The following NR6A1 variants were observed in gnomAD, a reference collection of about 807,000 sequenced individuals.
The protein encoded by NR6A1 is retinoic acid receptor-related testis-associated receptor.
Under a neutral mutation model 59.1 loss-of-function variants are expected in NR6A1, and 7 were observed. That is an observed-to-expected ratio of 0.12 (90% CI 0.07 to 0.22). The LOEUF (loss-of-function observed/expected upper bound fraction) is 0.22, where lower values mean the gene tolerates loss of function less well. Ranked by LOEUF, NR6A1 falls within the 10% of genes least tolerant of loss-of-function variation. The pLI is 1.00. For missense variants in NR6A1, 468 were observed against 611.6 expected, an observed-to-expected ratio of 0.77 and a Z score of 2.48; for synonymous variants, 243 against 236.1, an observed-to-expected ratio of 1.03 and a Z score of -0.27.
At chr9:124,526,560 T>C (rs919636090) in intron 8 of NR6A1, among the ~76,000 whole-genome samples, 1 of 151,640 alleles carries the variant, frequency 6.6e-6, no homozygotes, top group African/African-American at 2.4e-5. Context: ...CATTTCAGTT[T>C]GAAGAAAAAA....
chr9:124,741,398 T>C (rs925405732), intron 1 of NR6A1, among the ~76,000 whole-genome samples: 2 of 152,246 alleles, frequency 1.3e-5, no homozygotes, highest in South Asian at 4.1e-4. Flanking sequence ...ATGCAGTCAC[T>C]TACTCCTTCA....
At chr9:124,667,364 T>C (rs1403324963) in intron 2 of NR6A1, among the ~76,000 whole-genome samples, 2 of 152,110 alleles carry the variant, frequency 1.3e-5, no homozygotes, top group East Asian at 3.9e-4. Flanking sequence ...TTCATGTATA[T>C]GAGAATATAC....
chr9:124,663,979 T>C (rs181566504), intron 2 of NR6A1, among the ~76,000 whole-genome samples: 165 of 152,306 alleles, frequency 1.1e-3, no homozygotes, highest in Non-Finnish European at 2.1e-3. Context: ...CTGAGTAAGA[T>C]TTCTACGACC....
chr9:124,685,830 T>C (rs1020561725), intron 2 of NR6A1, among the ~76,000 whole-genome samples: 7 of 152,206 alleles, frequency 4.6e-5, no homozygotes, highest in Non-Finnish European at 8.8e-5. Context: ...AATGGAGAGA[T>C]AGGTCCAAAA....
chr9:124,583,843 A>G (rs1368722882), intron 2 of NR6A1, among the ~76,000 whole-genome samples: 2 of 152,144 alleles, frequency 1.3e-5, no homozygotes, highest in African/African-American at 4.8e-5. Flanking sequence ...CTCACAAATG[A>G]GCACTCTGCC....
intron 1 of NR6A1, among the ~76,000 whole-genome samples, chr9:124,756,962 G>A (rs1005670697): frequency 2.0e-5 from 3 of 151,348 alleles, no homozygotes; most frequent in Non-Finnish European, 2.9e-5. Context: ...TGAGGGTGCA[G>A]GGCAACATTC....
intron 2 of NR6A1, among the ~76,000 whole-genome samples, chr9:124,724,128 A>C (rs1839643313): frequency 6.6e-6 from 1 of 152,222 alleles, no homozygotes; most frequent in Admixed American, 6.5e-5. Context: ...TCGTTTCATG[A>C]CTTGGGACAA....
chr9:124,543,122 A>C (rs181061535), intron 4 of NR6A1, among the ~76,000 whole-genome samples: 44 of 152,332 alleles, frequency 2.9e-4, no homozygotes, highest in Admixed American at 9.1e-4. Context: ...CATGTGCCCA[A>C]TGTTGCAGCC....
At chr9:124,534,473 C>G (rs1833194451) in intron 7 of NR6A1, among the ~76,000 whole-genome samples, 1 of 152,148 alleles carries the variant, frequency 6.6e-6, no homozygotes, top group Non-Finnish European at 1.5e-5. Context: ...TGCTCCAGGT[C>G]TGCAGAGTAA....
At chr9:124,700,428 C>T (rs1426145124) in intron 2 of NR6A1, among the ~76,000 whole-genome samples, 2 of 151,874 alleles carry the variant, frequency 1.3e-5, no homozygotes, top group African/African-American at 2.4e-5. Flanking sequence ...ACCATGTTGG[C>T]AAGGCTGGTC....
At chr9:124,692,408 C>T (rs1333174871) in intron 2 of NR6A1, 3 of 517,452 alleles carry the variant, frequency 5.8e-6, no homozygotes, top group Admixed American at 2.0e-5. Flanking sequence ...GGTCTCACTG[C>T]TCACTGGTTC....
At position 124,604,981 on chromosome 9, in the gene NR6A1, ACACCG is replaced by A. The variant is rs1177686622; in HGVS notation, c.143-50416_143-50412del. On this transcript the variant is annotated intron_variant, in intron 2 of 9. Coordinates refer to ENST00000487099, the MANE Select transcript of NR6A1 (RefSeq NM_033334.4). ...AACAAGAAATACTGGAATTAGAATA[ACACCG>A]TGAAATAATAGATCCTAGATACCAA... Among the ~76,000 whole-genome samples, 571 of 152,286 alleles carry A rather than the reference ACACCG, an allele frequency of 3.7e-3. 1 individual carries two copies. Among genetic ancestry groups the A allele is most frequent in the African/African-American group, 0.013 (534 of 41,538 alleles).
At chr9:124,693,782 A>T (rs371763312) in intron 2 of NR6A1, 6 of 534,484 alleles carry the variant, frequency 1.1e-5, no homozygotes, top group Admixed American at 9.7e-5. Context: ...CAATGAATGC[A>T]AACTGCGGAC....
At chr9:124,770,947 G>T in intron 1 of NR6A1, 73 bp downstream of exon 1, 1 of 873,176 alleles carries the variant, frequency 1.1e-6, no homozygotes, top group South Asian at 5.8e-5. Context: ...TCGGCAGAGA[G>T]GAGGGGGATC....
chr9:124,596,723 A>G (rs1006416707), intron 2 of NR6A1, among the ~76,000 whole-genome samples: 1 of 152,214 alleles, frequency 6.6e-6, no homozygotes, highest in African/African-American at 2.4e-5. Flanking sequence ...AGCAGAGTGT[A>G]TAACACCGAG....
intron 2 of NR6A1, among the ~76,000 whole-genome samples, chr9:124,565,718 A>G (rs1834222417): frequency 6.6e-6 from 1 of 152,254 alleles, no homozygotes; most frequent in Admixed American, 6.5e-5. Flanking sequence ...CAATAAACTT[A>G]TGAAAAGATG....
At chr9:124,554,186 G>C (rs1161428227) in intron 3 of NR6A1, 142 bp downstream of exon 3, 14 of 1,292,858 alleles carry the variant, frequency 1.1e-5, no homozygotes, top group African/African-American at 1.5e-5. Context: ...TTATAGGCAA[G>C]AATGGTTCAT....
chr9:124,558,418 T>C (rs1564178371), intron 2 of NR6A1, among the ~76,000 whole-genome samples: 1 of 152,008 alleles, frequency 6.6e-6, no homozygotes, highest in African/African-American at 2.4e-5. Context: ...GATGAGGAAC[T>C]AATTCAAAAG....
chr9:124,625,728 T>A (rs1836220866), intron 2 of NR6A1, among the ~76,000 whole-genome samples: 1 of 152,156 alleles, frequency 6.6e-6, no homozygotes, highest in Non-Finnish European at 1.5e-5. Context: ...TGGGGGGGGC[T>A]ATTTTTGGAT....
Sources: allele counts gnomAD v4.1 joint callset (sites outside exome capture counted in the v4.1 genomes callset), GRCh38; gene constraint gnomAD v4.1.1; transcripts MANE v1.5; gene names NCBI Gene and HGNC (gene_info 2026-07-23, HGNC 2026-07-21).